The following NXPE2 variants were observed in gnomAD, a reference collection of about 807,000 sequenced individuals.
NXPE2 encodes the protein neurexophilin and PC-esterase domain family member 2, also known as NXPE family member 2.
NXPE2 carries 34 observed loss-of-function variants against 34.4 expected under a neutral mutation model. That is an observed-to-expected ratio of 0.99 (90% confidence interval 0.75 to 1.31). NXPE2 has a LOEUF of 1.31. Ranked by LOEUF, NXPE2 falls within the 40% of genes most tolerant of loss-of-function variation. The pLI is 0.00. For missense variants in NXPE2, 649 were observed against 672.5 expected, an observed-to-expected ratio of 0.97 and a Z score of 0.39; for synonymous variants, 235 against 231.3, an observed-to-expected ratio of 1.02 and a Z score of -0.15.
At chr11:114,799,868 C>T in the NXPE2 span, among the ~76,000 whole-genome samples, 1 of 151,500 alleles carries the variant, frequency 6.6e-6, no homozygotes, top group Non-Finnish European at 1.5e-5. Context: ...TTCATCTCAC[C>T]CTCCCTCCCT....
the NXPE2 span, among the ~76,000 whole-genome samples, chr11:114,753,026 T>C: frequency 6.6e-6 from 1 of 152,168 alleles, no homozygotes; most frequent in Non-Finnish European, 1.5e-5. Flanking sequence ...GAATTTGCAA[T>C]GGTGACCAAG....
the NXPE2 span, among the ~76,000 whole-genome samples, chr11:114,468,628 C>T: frequency 6.6e-6 from 1 of 152,150 alleles, no homozygotes; most frequent in Non-Finnish European, 1.5e-5. Context: ...CTGCTACTGG[C>T]ATCTAGTACA....
At chr11:114,744,659 A>G in the NXPE2 span, among the ~76,000 whole-genome samples, 3 of 152,038 alleles carry the variant, frequency 2.0e-5, no homozygotes, top group Admixed American at 1.3e-4. Context: ...AAAATACAAA[A>G]ATTAGCCAGG....
At chr11:114,745,983 T>G in the NXPE2 span, among the ~76,000 whole-genome samples, 1 of 152,124 alleles carries the variant, frequency 6.6e-6, no homozygotes, top group Non-Finnish European at 1.5e-5. Flanking sequence ...TTAAATATAT[T>G]ATGATAACAT....
At position 114,678,664 on chromosome 11, in the gene NXPE2, A is replaced by G. The variant is rs1950888167; in HGVS notation, c.26+63A>G. 5.3e-6 allele frequency: 7 copies of G among 1,322,848 alleles called. No individual in the cohort carries two copies. In the East Asian group the frequency reaches 1.8e-4, roughly 33 times the overall value. 81.9% of individuals were successfully genotyped at this position (1,322,848 alleles called of 1,614,324 possible). A position where few individuals can be genotyped will look rare whatever the true frequency, so the allele number is the denominator to read the frequency against. Reference sequence around the variant, plus strand: ...CAGGGAAGGGAGGGGAGAACTATAGACCATTTGGTGTTTTTCAAATGGTGT... The same window carrying G: ...CAGGGAAGGGAGGGGAGAACTATAGGCCATTTGGTGTTTTTCAAATGGTGT... On this transcript the variant is annotated intron_variant, in intron 1 of 5. Coordinates refer to ENST00000389586, the MANE Select transcript of NXPE2 (RefSeq NM_182495.6).
the NXPE2 span, among the ~76,000 whole-genome samples, chr11:114,654,406 A>G: frequency 2.0e-5 from 3 of 151,858 alleles, no homozygotes; most frequent in African/African-American, 7.3e-5. Context: ...GGTTTGTTAC[A>G]TAGGTATATG....
the NXPE2 span, among the ~76,000 whole-genome samples, chr11:114,671,163 G>C: frequency 0.093 from 13,953 of 150,398 alleles, 777 homozygotes; most frequent in African/African-American, 0.15. Flanking sequence ...AAGTTAACTA[G>C]TGATACTTAA....
At chr11:114,717,146 G>T in the NXPE2 span, among the ~76,000 whole-genome samples, 1 of 152,102 alleles carries the variant, frequency 6.6e-6, no homozygotes, top group African/African-American at 2.4e-5. Flanking sequence ...TTACTAACTG[G>T]CTGACCCTCT....
At chr11:114,479,174 A>G in the NXPE2 span, among the ~76,000 whole-genome samples, 1 of 152,162 alleles carries the variant, frequency 6.6e-6, no homozygotes, top group Non-Finnish European at 1.5e-5. Context: ...CCATACTTTA[A>G]CAAGCTCCTC....
chr11:114,738,088 A>G, the NXPE2 span, among the ~76,000 whole-genome samples: 1 of 152,148 alleles, frequency 6.6e-6, no homozygotes, highest in African/African-American at 2.4e-5. Flanking sequence ...CTCTGTCTCA[A>G]AAACAAACCA....
At chr11:114,791,425 A>G in the NXPE2 span, among the ~76,000 whole-genome samples, 1 of 152,224 alleles carries the variant, frequency 6.6e-6, no homozygotes, top group African/African-American at 2.4e-5. Context: ...ATTCCACCAC[A>G]GTTGTCTCCT....
At chr11:114,660,748 G>A in the NXPE2 span, among the ~76,000 whole-genome samples, 2,173 of 151,954 alleles carry the variant, frequency 0.014, 44 homozygotes, top group African/African-American at 0.05. Context: ...TTATACTGGA[G>A]GTGTTAGAAA....
At chr11:114,472,979 T>C in the NXPE2 span, among the ~76,000 whole-genome samples, 1 of 152,162 alleles carries the variant, frequency 6.6e-6, no homozygotes, top group Admixed American at 6.5e-5. Context: ...CAAGTGCAAT[T>C]TTTTTTATCC....
the NXPE2 span, among the ~76,000 whole-genome samples, chr11:114,761,667 G>A: frequency 1.4e-5 from 2 of 147,402 alleles, no homozygotes; most frequent in Non-Finnish European, 3.0e-5. Context: ...TCCGCCTCCC[G>A]GGTTCACGCC....
At chr11:114,738,986 A>G in the NXPE2 span, among the ~76,000 whole-genome samples, 1 of 152,238 alleles carries the variant, frequency 6.6e-6, no homozygotes, top group African/African-American at 2.4e-5. Flanking sequence ...TACTACTGAC[A>G]CAAGAATGAC....
the NXPE2 span, among the ~76,000 whole-genome samples, chr11:114,799,241 A>C: frequency 6.6e-6 from 1 of 151,670 alleles, no homozygotes; most frequent in Non-Finnish European, 1.5e-5. Context: ...ATTAATAAGA[A>C]GAAAAGGAAA....
At chr11:114,602,881 CAT>C in the NXPE2 span, among the ~76,000 whole-genome samples, 57 of 146,726 alleles carry the variant, frequency 3.9e-4, no homozygotes, top group Admixed American at 6.2e-4. Context: ...ATTATAGAAA[CAT>C]AATTATCTAA....
chr11:114,806,373 A>AAG, the NXPE2 span, among the ~76,000 whole-genome samples: 1 of 152,114 alleles, frequency 6.6e-6, no homozygotes, highest in Non-Finnish European at 1.5e-5. Flanking sequence ...GAGAGAAGGC[A>AAG]GCTTCAGATG....
chr11:114,499,501 G>A, the NXPE2 span, among the ~76,000 whole-genome samples: 1 of 152,050 alleles, frequency 6.6e-6, no homozygotes, highest in African/African-American at 2.4e-5. Context: ...ATTTTGATTT[G>A]TAGATTTTGC....
Sources: allele counts gnomAD v4.1 joint callset (sites outside exome capture counted in the v4.1 genomes callset), GRCh38; gene constraint gnomAD v4.1.1; transcripts MANE v1.5; gene names NCBI Gene and HGNC (gene_info 2026-07-23, HGNC 2026-07-21).